NBAS: variants seen among roughly 807,000 people sequenced by gnomAD.
NBAS encodes NAG/BC035112 fusion.
A neutral mutation model predicts 302.5 loss-of-function variants in NBAS; 219 were observed. The observed-to-expected ratio is 0.72, with a 90% CI of 0.65 to 0.81. NBAS has a LOEUF of 0.81. Ranked by LOEUF, NBAS falls within the 30% of genes least tolerant of loss-of-function variation. The probability of loss-of-function intolerance (pLI) is 0.00; values close to 1 mark genes in which losing one functional copy is unlikely to be tolerated. For synonymous variants in NBAS, 1,118 were observed against 1,021.6 expected, an observed-to-expected ratio of 1.09 and a Z score of -1.80; for missense variants, 2,932 against 2,841.6, an observed-to-expected ratio of 1.03 and a Z score of -0.72.
At chr2:15,094,142 C>T in the NBAS span, among the ~76,000 whole-genome samples, 2 of 152,204 alleles carry the variant, frequency 1.3e-5, no homozygotes, top group Non-Finnish European at 2.9e-5. Context: ...CAAAAGGAAG[C>T]TGCTATAAAG....
Position 15,190,321 on chromosome 2 carries a change from T to G in NBAS, c.6515A>C (p.Glu2172Ala), listed in dbSNP as rs752846562. Reference protein sequence around the residue: ...ELLESSHHEAEFQHLVLLLQA... With the variant: ...ELLESSHHEAAFQHLVLLLQA... The stretch of plus-strand genomic sequence containing the variant: ...CAAAAGTAAAACCAAGTGCTGAAAT[T>G]CAGCCTCGTGGTGACTAGATTCCAG... The change falls in exon 49 of 52, where the codon GAA becomes GCA. Residue 2172 changes from glutamate to alanine, a missense_variant. By Grantham distance (107) the Glu-to-Ala change is moderately radical (BLOSUM62 -1). Coordinates refer to ENST00000281513, the MANE Select transcript of NBAS (RefSeq NM_015909.4). 6.2e-7 allele frequency: 1 copy of G among 1,614,050 alleles called. No individual in the cohort carries two copies. The highest frequency in any genetic ancestry group is 8.5e-7 in the Non-Finnish European group (1 of 1,179,950).
chr2:15,430,524 T>C (rs1373227600), intron 21 of NBAS, among the ~76,000 whole-genome samples: 1 of 152,202 alleles, frequency 6.6e-6, no homozygotes, highest in African/African-American at 2.4e-5. Flanking sequence ...ATGTCTCAAT[T>C]TAGTCCTATC....
At position 15,328,535 on chromosome 2, in the gene NBAS, C is replaced by T. The variant is rs375395561; in HGVS notation, c.4348-223G>A. Among the ~76,000 whole-genome samples, 216 of 152,284 alleles carry T rather than the reference C, an allele frequency of 1.4e-3. No individual in the cohort carries two copies. The South Asian group carries it at 0.016, about 12-fold the overall frequency. ...TCATAACTACATGCTAAGAGCAGCA[C>T]ATCAACCCCACCCTGCAGTGCCTTT... On this transcript the variant is annotated intron_variant, in intron 36 of 51. Coordinates refer to ENST00000281513, the MANE Select transcript of NBAS (RefSeq NM_015909.4).
intron 21 of NBAS, among the ~76,000 whole-genome samples, chr2:15,451,216 A>C (rs1572872196): frequency 6.6e-6 from 1 of 152,034 alleles, no homozygotes; most frequent in African/African-American, 2.4e-5. Context: ...ATGCCCAGCT[A>C]ATTATTTTTA....
At chr2:15,089,304 T>G in the NBAS span, among the ~76,000 whole-genome samples, 29 of 152,058 alleles carry the variant, frequency 1.9e-4, no homozygotes, top group African/African-American at 6.5e-4. Flanking sequence ...TTAGAATTCT[T>G]CAAGGTCAAA....
At chr2:15,088,568 A>T in the NBAS span, among the ~76,000 whole-genome samples, 1 of 152,118 alleles carries the variant, frequency 6.6e-6, no homozygotes, top group Non-Finnish European at 1.5e-5. Flanking sequence ...TGGCTTATTG[A>T]TTCACTCCTG....
intron 40 of NBAS, among the ~76,000 whole-genome samples, chr2:15,300,916 A>T (rs960016861): frequency 2.0e-5 from 3 of 152,228 alleles, no homozygotes; most frequent in Non-Finnish European, 4.4e-5. Context: ...ACAGAGGCAC[A>T]ACAAAGGATG....
At position 15,353,556 on chromosome 2, in the gene NBAS, T is replaced by C; in HGVS notation, c.4086A>G (p.Thr1362=). ...LLLAASSSLQ[T]EILYQRVNFQ... Reference sequence around the variant, plus strand: ...TTTCCTTTATCGAAGGACTTACTTCTGTCTGCAGAGAGCTGCTAGCTGCCA... The same window carrying C: ...TTTCCTTTATCGAAGGACTTACTTCCGTCTGCAGAGAGCTGCTAGCTGCCA... Residue 1362 remains threonine (T), a synonymous_variant, in exon 34 of 52, where the codon ACA becomes ACG. Transcript: ENST00000281513. 3 of 1,614,026 alleles carry C rather than the reference T, an allele frequency of 1.9e-6. No individual in the cohort carries two copies. Among genetic ancestry groups the C allele is most frequent in the Non-Finnish European group, 1.7e-6 (2 of 1,179,920 alleles).
intron 40 of NBAS, among the ~76,000 whole-genome samples, chr2:15,303,202 A>C (rs182947211): frequency 6.6e-6 from 1 of 152,288 alleles, no homozygotes; most frequent in Admixed American, 6.5e-5. Flanking sequence ...AACCCTGACT[A>C]ATACAATAGG....
Position 15,539,474 on chromosome 2 carries a change from A to T in NBAS, c.380-118T>A, listed in dbSNP as rs1212892597. On this transcript the variant is annotated intron_variant, in intron 6 of 51. Transcript: ENST00000281513. ...ACAATAATTACGTCATCTCCTAAGG[A>T]TCTCTAATAAAGCTTCCCTCAATAA... 2.4e-6 allele frequency: 3 copies of T among 1,240,034 alleles called. No individual in the cohort carries two copies. In the African/African-American group the frequency reaches 4.5e-5, roughly 19 times the overall value. The allele number at this position is 1,240,034 out of a possible 1,614,324, so 76.8% of individuals were successfully genotyped here.
the NBAS span, among the ~76,000 whole-genome samples, chr2:14,880,717 A>G: frequency 1.3e-5 from 2 of 152,028 alleles, no homozygotes; most frequent in Admixed American, 6.6e-5. Context: ...CAACATATAT[A>G]TTTTCTGGAA....
chr2:15,353,740 C>G (rs1385166913), intron 33 of NBAS, 30 bp from the exon 34 acceptor site: 9 of 1,613,436 alleles, frequency 5.6e-6, no homozygotes, highest in Non-Finnish European at 7.6e-6. Flanking sequence ...AAAAATGATT[C>G]CCAAAAGAAG....
the NBAS span, among the ~76,000 whole-genome samples, chr2:15,057,384 C>T: frequency 8.6e-6 from 1 of 116,486 alleles, no homozygotes; most frequent in East Asian, 2.3e-4. Flanking sequence ...GTTCTTGGAC[C>T]TTTGATACCT....
chr2:15,059,589 C>T, the NBAS span, among the ~76,000 whole-genome samples: 4 of 152,116 alleles, frequency 2.6e-5, no homozygotes, highest in Admixed American at 2.0e-4. Flanking sequence ...CCCAACACAG[C>T]CAGCAGAGAC....
chr2:14,786,417 G>T, the NBAS span, among the ~76,000 whole-genome samples: 1 of 152,034 alleles, frequency 6.6e-6, no homozygotes, highest in Non-Finnish European at 1.5e-5. Context: ...TGATGTTAGG[G>T]TGTCAATTTT....
chr2:15,208,248 G>A (rs559202267), intron 48 of NBAS, among the ~76,000 whole-genome samples: 1 of 152,310 alleles, frequency 6.6e-6, no homozygotes, highest in South Asian at 2.1e-4. Context: ...GAAAAACCAA[G>A]TGGAAGGGGA....
At chr2:15,455,039 A>G (rs1273689737) in intron 21 of NBAS, among the ~76,000 whole-genome samples, 1 of 151,904 alleles carries the variant, frequency 6.6e-6, no homozygotes, top group African/African-American at 2.4e-5. Context: ...AGTAGCTGGG[A>G]TTACAGGTGT....
chr2:15,177,883 G>A, intron 51 of NBAS: 1 of 289,618 alleles, frequency 3.5e-6, no homozygotes, highest in South Asian at 3.5e-5. Context: ...ATCAGGTACG[G>A]TATTCACAAA....
intron 19 of NBAS, 134 bp downstream of exon 19, chr2:15,467,195 T>C (rs2148571635): frequency 1.4e-6 from 1 of 703,094 alleles, no homozygotes; most frequent in Non-Finnish European, 2.4e-6. Context: ...ATAAGAGAAC[T>C]TGCTTCTATA....
Sources: allele counts gnomAD v4.1 joint callset (sites outside exome capture counted in the v4.1 genomes callset), GRCh38; gene constraint gnomAD v4.1.1; transcripts MANE v1.5; gene names NCBI Gene and HGNC (gene_info 2026-07-23, HGNC 2026-07-21).